Variants in FAM107B observed in about 807,000 individuals in gnomAD.
FAM107B encodes family with sequence similarity 107 member B.
FAM107B carries 21 observed loss-of-function variants against 31.5 expected under a neutral mutation model. That is an observed-to-expected ratio of 0.67 (90% confidence interval 0.47 to 0.96). The LOEUF (loss-of-function observed/expected upper bound fraction) is 0.96. Among genes scored for constraint, FAM107B ranks in the 40% least tolerant of loss-of-function variants. The probability of loss-of-function intolerance (pLI) is 0.00; values close to 1 mark genes in which losing one functional copy is unlikely to be tolerated. For synonymous variants in FAM107B, 157 were observed against 141.5 expected (o/e 1.11, Z -0.78); for missense variants, 452 against 377.1 (o/e 1.20, Z -1.64).
intron 1 of FAM107B, among the ~76,000 whole-genome samples, chr10:14,673,328 C>T (rs901052534): frequency 1.9e-4 from 29 of 152,174 alleles, no homozygotes; most frequent in Middle Eastern, 3.2e-3. Context: ...CACTGTTCTC[C>T]TCTCCACTTC....
chr10:14,647,048 C>A (rs1853775309), intron 2 of FAM107B, among the ~76,000 whole-genome samples: 1 of 152,054 alleles, frequency 6.6e-6, no homozygotes, highest in Non-Finnish European at 1.5e-5. Context: ...CCTGCCTCGG[C>A]CTCCCAAAGT....
intron 1 of FAM107B, among the ~76,000 whole-genome samples, chr10:14,767,091 G>GAGAC (rs1194330143): frequency 8.3e-4 from 92 of 110,574 alleles, no homozygotes; most frequent in Admixed American, 1.8e-3. Flanking sequence ...GAGAGAGAGA[G>GAGAC]AGAGAGAGAC....
At chr10:14,537,196 C>T (rs1044680865) in intron 2 of FAM107B, among the ~76,000 whole-genome samples, 5 of 152,250 alleles carry the variant, frequency 3.3e-5, no homozygotes, top group Non-Finnish European at 5.9e-5. Context: ...ATGCCCACTC[C>T]GCCTTCCTGC....
chr10:14,663,339 T>A (rs997464341), intron 2 of FAM107B: 2 of 152,244 alleles, frequency 1.3e-5, no homozygotes, highest in African/African-American at 4.8e-5. Context: ...AGAACTCGAC[T>A]AATACACTCA....
intron 2 of FAM107B, among the ~76,000 whole-genome samples, chr10:14,624,388 C>T (rs552772917): frequency 6.6e-6 from 1 of 152,246 alleles, no homozygotes; most frequent in South Asian, 2.1e-4. Flanking sequence ...GGAGTCTCAG[C>T]ACTTCTGGGA....
chr10:14,723,525 C>G (rs1246288012), intron 1 of FAM107B: 1 of 624,764 alleles, frequency 1.6e-6, no homozygotes, highest in Non-Finnish European at 3.0e-6. Context: ...CCCAGGCCAG[C>G]ATACACCACA....
Position 14,533,510 on chromosome 10 carries a change from GTGACTCGCTCTCCTTTACCTGAC to G in FAM107B, c.470-3018_470-2996del, listed in dbSNP as rs375221902. Among the ~76,000 whole-genome samples, 19 of 152,300 alleles carry G rather than the reference GTGACTCGCTCTCCTTTACCTGAC, an allele frequency of 1.2e-4. No homozygotes were observed. In the South Asian group the frequency reaches 3.7e-3, roughly 30 times the overall value. ...AAGTGCAGCCAGCGCTCAAGCCTGG[GTGACTCGCTCTCCTTTACCTGAC>G]TGACTCGCTCTCGTTTACCTGACTG... On this transcript the variant is annotated intron_variant, in intron 2 of 4. Transcript: ENST00000181796.
rs1554842126 is a variant in FAM107B at position 14,629,521 on chromosome 10, AT to A, written c.469+38112del. ...ATATATATTTAATATATATATATAT[AT>A]TTTTTTTTGAGATGAAGACTCGCTC... is the stretch of plus-strand genomic sequence containing the variant. On this transcript the variant is annotated intron_variant, in intron 2 of 4. Transcript: ENST00000181796. 2.7e-4 allele frequency among the ~76,000 whole-genome samples: 26 copies of A among 97,816 alleles called. No homozygotes were observed. In the South Asian group the frequency reaches 7.0e-3, roughly 26 times the overall value. 64.2% of individuals were successfully genotyped at this position (97,816 alleles called of 152,430 possible). A position where few individuals can be genotyped will look rare whatever the true frequency, so the allele number is the denominator to read the frequency against.
chr10:14,522,044 A>G (rs957890732), intron 3 of FAM107B, 25 bp from the exon 4 acceptor site: 10 of 1,591,332 alleles, frequency 6.3e-6, no homozygotes, highest in African/African-American at 1.4e-5. Context: ...TAACAAAAAT[A>G]GAAAACGTTA....
chr10:14,691,890 T>G (rs1855144930), intron 1 of FAM107B, among the ~76,000 whole-genome samples: 1 of 56,904 alleles, frequency 1.8e-5, no homozygotes, highest in African/African-American at 1.1e-4. Context: ...TGAGACTCTG[T>G]CACAAAAAAA....
chr10:14,750,630 C>T (rs1241593446), intron 1 of FAM107B, among the ~76,000 whole-genome samples: 1 of 152,036 alleles, frequency 6.6e-6, no homozygotes, highest in Non-Finnish European at 1.5e-5. Context: ...TAAAATAGCA[C>T]TGCAAAGCTA....
At chr10:14,571,971 A>G (rs550906491) in intron 2 of FAM107B, 2 of 985,334 alleles carry the variant, frequency 2.0e-6, no homozygotes, top group East Asian at 1.1e-4. Flanking sequence ...GCAAATAAAA[A>G]GATCGCAGTA....
chr10:14,751,312 C>A (rs1832822923), intron 1 of FAM107B, among the ~76,000 whole-genome samples: 1 of 152,150 alleles, frequency 6.6e-6, no homozygotes, highest in Non-Finnish European at 1.5e-5. Flanking sequence ...ATTTCTCATA[C>A]ACAGCCCTTG....
At chr10:14,590,501 A>G (rs746191600) in intron 2 of FAM107B, among the ~76,000 whole-genome samples, 1 of 152,248 alleles carries the variant, frequency 6.6e-6, no homozygotes, top group Non-Finnish European at 1.5e-5. Context: ...AAGTTGTCCC[A>G]AAATCAAACT....
At chr10:14,595,422 C>CTTTTTTTTTTTTT (rs35540585) in intron 2 of FAM107B, among the ~76,000 whole-genome samples, 2 of 98,164 alleles carry the variant, frequency 2.0e-5, no homozygotes, top group African/African-American at 3.6e-5. Flanking sequence ...CTAGGGCAAC[C>CTTTTTTTTTTTTT]TTTTTTTTTT....
chr10:14,746,229 T>C (rs535748744), intron 1 of FAM107B, among the ~76,000 whole-genome samples: 2 of 152,304 alleles, frequency 1.3e-5, no homozygotes, highest in East Asian at 3.9e-4. Flanking sequence ...AGCACACCAA[T>C]GGGTTTTGAC....
Position 14,588,279 on chromosome 10 carries a change from C to T in FAM107B, c.470-57764G>A, listed in dbSNP as rs1015148719. Among the ~76,000 whole-genome samples the T allele has an allele frequency of 2.6e-5, 4 of 151,936 alleles. No homozygotes were observed. The South Asian group carries it at 8.3e-4, about 31-fold the overall frequency. ...AAGCAGTCCTGGTAGAGTCAGTCAT[C>T]ACATATTTCAGCTGTAAGTAGGAAA... On this transcript the variant is annotated intron_variant, in intron 2 of 4. Transcript: ENST00000181796.
intron 2 of FAM107B, among the ~76,000 whole-genome samples, chr10:14,639,171 G>A (rs573960095): frequency 6.6e-6 from 1 of 152,120 alleles, no homozygotes; most frequent in East Asian, 1.9e-4. Flanking sequence ...TGCAGCCTGG[G>A]TGACAGACCA....
intron 2 of FAM107B, among the ~76,000 whole-genome samples, chr10:14,624,790 CT>C (rs1488338399): frequency 1.3e-5 from 2 of 152,146 alleles, no homozygotes; most frequent in African/African-American, 4.8e-5. Context: ...GTGGGTGGAG[CT>C]GTTAAATCAA....
Sources: allele counts gnomAD v4.1 joint callset (sites outside exome capture counted in the v4.1 genomes callset), GRCh38; gene constraint gnomAD v4.1.1; transcripts MANE v1.5; gene names NCBI Gene and HGNC (gene_info 2026-07-23, HGNC 2026-07-21).